IGBP1: variants seen among roughly 807,000 people sequenced by gnomAD.
IGBP1 encodes immunoglobulin binding protein 1.
A neutral mutation model predicts 25.9 loss-of-function variants in IGBP1; 2 were observed. The observed-to-expected ratio is 0.08, with a 90% CI of 0.03 to 0.24. The LOEUF (loss-of-function observed/expected upper bound fraction) is 0.24. Among genes scored for constraint, IGBP1 ranks in the 10% least tolerant of loss-of-function variants. IGBP1 has a pLI of 1.00. For synonymous variants in IGBP1, 96 were observed against 93.4 expected, an observed-to-expected ratio of 1.03 and a Z score of -0.16; for missense variants, 187 against 260.4, an observed-to-expected ratio of 0.72 and a Z score of 1.94.
chrX:70,134,441 C>A, intron 2 of IGBP1, 82 bp from the exon 3 acceptor site: 1 of 1,010,961 alleles, frequency 9.9e-7, no homozygotes, highest in Non-Finnish European at 1.4e-6. Context: ...CCCAGCCCAG[C>A]CTCCCACTCC....
At position 70,147,934 on chromosome X, in the gene IGBP1, A is replaced by G. The variant is rs772085480; in HGVS notation, c.679-827A>G. On this transcript the variant is annotated intron_variant, in intron 4 of 6. Coordinates refer to ENST00000356413, the MANE Select transcript of IGBP1 (RefSeq NM_001551.3). ...CCTAGTTCTTCATGTTAAGAGATCA[A>G]AGAATGAACAATTAATATTCTAAGG... Among the ~76,000 whole-genome samples the G allele has an allele frequency of 3.6e-5, 4 of 112,459 alleles. No homozygotes were observed. In the East Asian group the frequency reaches 1.1e-3, roughly 31 times the overall value.
In IGBP1 at chrX:70,133,922, A is replaced by C. The variant is rs895915378; in HGVS notation, c.-26A>C. The stretch of plus-strand genomic sequence containing the variant: ...GGTTGCCTTTGACCCCGGAAAAGAG[A>C]TCTTCCGGGTTCCTCTCTCCCCAAG... On this transcript the variant is annotated 5_prime_UTR_variant, in exon 2 of 7. Coordinates refer to ENST00000356413, the MANE Select transcript of IGBP1 (RefSeq NM_001551.3). 5 of 1,196,386 alleles carry C rather than the reference A, an allele frequency of 4.2e-6. No individual in the cohort carries two copies. Among genetic ancestry groups the C allele is most frequent in the Non-Finnish European group, 5.7e-6 (5 of 883,044 alleles).
intron 6 of IGBP1, among the ~76,000 whole-genome samples, chrX:70,159,244 G>A (rs1003535686): frequency 3.6e-5 from 4 of 111,274 alleles, no homozygotes; most frequent in Non-Finnish European, 7.6e-5. Context: ...ATTTTAAAAC[G>A]AAAAAAGATA....
At chrX:70,165,185 GAAA>G (rs776739233) in intron 6 of IGBP1, 1 of 111,299 alleles carries the variant, frequency 9.0e-6, no homozygotes, top group Admixed American at 9.6e-5. Context: ...CCTCACAAAG[GAAA>G]AAAAATGCAA....
intron 6 of IGBP1, among the ~76,000 whole-genome samples, chrX:70,154,774 G>C (rs935952563): frequency 2.0e-5 from 2 of 99,307 alleles, no homozygotes; most frequent in Non-Finnish European, 4.0e-5. Context: ...GTTCGTGCCT[G>C]TAGTCCCAGA....
chrX:70,157,106 A>G (rs755961231), intron 6 of IGBP1, among the ~76,000 whole-genome samples: 1 of 112,393 alleles, frequency 8.9e-6, no homozygotes, highest in Non-Finnish European at 1.9e-5. Context: ...AAAAATAAAT[A>G]AAAGAGAATA....
intron 1 of IGBP1, 60 bp downstream of exon 1, chrX:70,133,600 C>T (rs1167647751): frequency 6.3e-5 from 25 of 399,061 alleles, no homozygotes; most frequent in Non-Finnish European, 1.1e-4. Context: ...TCCTCGCGCT[C>T]CGAATTCAGC....
chrX:70,147,526 G>C (rs1050444237), intron 4 of IGBP1, among the ~76,000 whole-genome samples: 25 of 111,641 alleles, frequency 2.2e-4, no homozygotes, highest in Middle Eastern at 4.6e-3. Flanking sequence ...AGTAGGAAGA[G>C]TGAAATAAAA....
Position 70,133,934 on chromosome X carries a change from C to T in IGBP1, c.-14C>T, listed in dbSNP as rs2085078366. The T allele has an allele frequency of 2.5e-6, 3 of 1,207,156 alleles. No individual in the cohort carries two copies. Among genetic ancestry groups the T allele is most frequent in the South Asian group, 1.8e-5 (1 of 56,635 alleles). ...CCCCGGAAAAGAGATCTTCCGGGTT[C>T]CTCTCTCCCCAAGATGGCTGCTGAG... On this transcript the variant is annotated 5_prime_UTR_variant, in exon 2 of 7. Coordinates refer to ENST00000356413, the MANE Select transcript of IGBP1 (RefSeq NM_001551.3).
chrX:70,143,863 G>A (rs2085148331), intron 3 of IGBP1, among the ~76,000 whole-genome samples: 1 of 112,389 alleles, frequency 8.9e-6, no homozygotes, highest in Non-Finnish European at 1.9e-5. Flanking sequence ...AAAAACACTG[G>A]CCCAAATGAA....
chrX:70,134,488 A>G lies in IGBP1; in HGVS notation c.189-35A>G, dbSNP rs111622403. 4.5e-4 allele frequency: 531 copies of G among 1,191,635 alleles called. 7 individuals are homozygous for G. The African/African-American group carries it at 8.0e-3, about 18-fold the overall frequency. The stretch of plus-strand genomic sequence containing the variant: ...AGCAAGGGCCACAATTTGAATGCCT[A>G]GTCAGGCTTCACTGCCTCCTTTTTG... On this transcript the variant is annotated intron_variant, in intron 2 of 6. Transcript: ENST00000356413.
In IGBP1 at chrX:70,166,012, G is replaced by A; in HGVS notation, c.*31G>A. ...CCACAACACCACAGGACTGCAGGGT[G>A]CACAACTCCCCTGCCAAGGAAAACC... On this transcript the variant is annotated 3_prime_UTR_variant, in exon 7 of 7. Coordinates refer to ENST00000356413, the MANE Select transcript of IGBP1 (RefSeq NM_001551.3). 8.3e-7 allele frequency: 1 copy of A among 1,200,755 alleles called. No individual in the cohort carries two copies. Among genetic ancestry groups the A allele is most frequent in the Non-Finnish European group, 1.1e-6 (1 of 886,589 alleles).
At chrX:70,140,695 A>G (rs1191191317) in intron 3 of IGBP1, among the ~76,000 whole-genome samples, 1 of 111,925 alleles carries the variant, frequency 8.9e-6, no homozygotes, top group Non-Finnish European at 1.9e-5. Flanking sequence ...TTCTTCATGT[A>G]TGTCCTCTAT....
chrX:70,135,848 C>G (rs1214402512), intron 3 of IGBP1, among the ~76,000 whole-genome samples: 1 of 111,635 alleles, frequency 9.0e-6, no homozygotes, highest in Non-Finnish European at 1.9e-5. Context: ...AAACTTGTTG[C>G]TGAGAACTTG....
chrX:70,149,515 G>A (rs778214207), intron 5 of IGBP1: 14 of 113,544 alleles, frequency 1.2e-4, no homozygotes, highest in Non-Finnish European at 2.0e-4. Flanking sequence ...TAAGCCAGGC[G>A]TATTGGCAGG....
chrX:70,143,999 C>T (rs896238536), intron 3 of IGBP1, among the ~76,000 whole-genome samples: 2 of 111,896 alleles, frequency 1.8e-5, no homozygotes, highest in African/African-American at 6.5e-5. Context: ...ACCAGCCTGG[C>T]CAACATGGCA....
chrX:70,139,311 CAA>C (rs775830617), intron 3 of IGBP1, among the ~76,000 whole-genome samples: 2 of 39,421 alleles, frequency 5.1e-5, no homozygotes, highest in Admixed American at 3.1e-4. Flanking sequence ...GACTCCGTCT[CAA>C]AAAAAAAAAA....
Position 70,139,084 on chromosome X carries a change from T to A in IGBP1, c.482+4268T>A, listed in dbSNP as rs765628612. On this transcript the variant is annotated intron_variant, in intron 3 of 6. Transcript: ENST00000356413. Reference sequence around the variant, plus strand: ...GCTCACTTTGGGAGCCTGAGGCAGGTGGATCACCTGAGGTCAGGAGTTCGA... The same window carrying A: ...GCTCACTTTGGGAGCCTGAGGCAGGAGGATCACCTGAGGTCAGGAGTTCGA... Among the ~76,000 whole-genome samples, 429 of 111,403 alleles carry A rather than the reference T, an allele frequency of 3.9e-3. 2 individuals are homozygous for A. Among genetic ancestry groups the A allele is most frequent in the Non-Finnish European group, 5.9e-3 (313 of 53,001 alleles).
At chrX:70,163,147 A>G (rs145231366) in intron 6 of IGBP1, among the ~76,000 whole-genome samples, 1,394 of 110,894 alleles carry the variant, frequency 0.013, 16 homozygotes, top group African/African-American at 0.043. Context: ...GAGTAGGACT[A>G]CAGCCATGCA....
Sources: allele counts gnomAD v4.1 joint callset (sites outside exome capture counted in the v4.1 genomes callset), GRCh38; gene constraint gnomAD v4.1.1; transcripts MANE v1.5; gene names NCBI Gene and HGNC (gene_info 2026-07-23, HGNC 2026-07-21).